Variants in TAFA5 observed in about 807,000 individuals in gnomAD.
TAFA5 encodes the protein chemokine-like protein TAFA-5.
Under a neutral mutation model 15.3 loss-of-function variants are expected in TAFA5, and 6 were observed. That is an observed-to-expected ratio of 0.39 (90% confidence interval 0.21 to 0.77). The LOEUF is 0.77. Ranked by LOEUF, TAFA5 falls within the 30% of genes least tolerant of loss-of-function variation. TAFA5 has a pLI of 0.41. For synonymous variants in TAFA5, 103 were observed against 80.7 expected (o/e 1.28, Z -1.48); for missense variants, 161 against 193.1 (o/e 0.83, Z 0.98).
At chr22:48,624,482 G>A (rs943980212) in intron 1 of TAFA5, among the ~76,000 whole-genome samples, 3 of 152,170 alleles carry the variant, frequency 2.0e-5, no homozygotes, top group Non-Finnish European at 4.4e-5. Flanking sequence ...GGAGACATGC[G>A]TTTTCTCCCC....
At chr22:48,576,319 G>T in intron 1 of TAFA5, 2 of 1,079,306 alleles carry the variant, frequency 1.9e-6, no homozygotes, top group Non-Finnish European at 2.2e-6. Flanking sequence ...GACACAAATC[G>T]CCTCCCGGAG....
At chr22:48,496,065 A>G (rs868101252) in intron 1 of TAFA5, among the ~76,000 whole-genome samples, 1 of 152,244 alleles carries the variant, frequency 6.6e-6, no homozygotes, top group Non-Finnish European at 1.5e-5. Context: ...CAGTGGATGC[A>G]GGAAGGCATG....
chr22:48,512,008 G>T (rs1471151205), intron 1 of TAFA5, among the ~76,000 whole-genome samples: 2 of 152,208 alleles, frequency 1.3e-5, no homozygotes, highest in African/African-American at 4.8e-5. Context: ...GCACAGAGCT[G>T]CAGGGAGGGC....
At chr22:48,730,112 C>T (rs1238344878) in intron 3 of TAFA5, among the ~76,000 whole-genome samples, 3 of 152,106 alleles carry the variant, frequency 2.0e-5, no homozygotes, top group African/African-American at 4.8e-5. Flanking sequence ...AGGCTGGGCA[C>T]GGTGGCTTAC....
rs35316568 is a variant in TAFA5 at position 48,646,664 on chromosome 22, G to C, written c.180G>C (p.Thr60=). Residue 60 remains threonine, a synonymous_variant, in exon 2 of 4, where the codon ACG becomes ACC. Coordinates refer to ENST00000402357, the MANE Select transcript of TAFA5 (RefSeq NM_001082967.3). ...GGGACAGCAGCCAGCCTCGGAGGAC[G>C]ATCGCCCGGCAGACCGCCCGCTGTG... ...LDRDSSQPRR[T]IARQTARCAC... The C allele has an allele frequency of 6.2e-7, 1 of 1,611,914 alleles. No homozygotes were observed. The highest frequency in any genetic ancestry group is 1.3e-5 in the African/African-American group (1 of 74,918).
At chr22:48,701,059 G>T (rs114277193) in intron 2 of TAFA5, among the ~76,000 whole-genome samples, 1 of 152,102 alleles carries the variant, frequency 6.6e-6, no homozygotes, top group Non-Finnish European at 1.5e-5. Context: ...GGAGAGGCCC[G>T]CAGCCCTTCA....
intron 2 of TAFA5, among the ~76,000 whole-genome samples, chr22:48,680,894 G>A (rs11913605): frequency 0.023 from 3,566 of 152,286 alleles, 144 homozygotes; most frequent in African/African-American, 0.082. Context: ...TAGGGCGCCC[G>A]GGTGGCAAGA....
rs539348631 is a variant in TAFA5, at chr22:48,648,733, G to A, written c.262+1987G>A. On this transcript the variant is annotated intron_variant, in intron 2 of 3. Coordinates refer to ENST00000402357, the MANE Select transcript of TAFA5 (RefSeq NM_001082967.3). ...TGCACCAGCTACTCGGGAGGCTGAG[G>A]CAGAGAATTGTTTGAACCCGGGAGG... Among the ~76,000 whole-genome samples, 1,424 of 152,292 alleles carry A rather than the reference G, an allele frequency of 9.4e-3. 12 individuals carry two copies. The highest frequency in any genetic ancestry group is 0.016 in the Non-Finnish European group (1,116 of 68,030).
At chr22:48,700,117 A>G (rs1041840608) in intron 2 of TAFA5, among the ~76,000 whole-genome samples, 2 of 152,182 alleles carry the variant, frequency 1.3e-5, no homozygotes, top group African/African-American at 4.8e-5. Flanking sequence ...GTCCCTCCAG[A>G]TCACACTTAA....
chr22:48,611,812 G>C (rs1290219306), intron 1 of TAFA5, among the ~76,000 whole-genome samples: 2 of 152,156 alleles, frequency 1.3e-5, no homozygotes, highest in Non-Finnish European at 2.9e-5. Flanking sequence ...AGCTGTTCCA[G>C]GCCTCCGGAT....
intron 3 of TAFA5, among the ~76,000 whole-genome samples, chr22:48,722,940 G>A (rs932353729): frequency 3.9e-5 from 6 of 152,174 alleles, no homozygotes; most frequent in Admixed American, 2.0e-4. Flanking sequence ...AGAAAGCCAC[G>A]GAGGCTTCTA....
Position 48,598,628 on chromosome 22 carries a change from T to C in TAFA5, c.113-47969T>C, listed in dbSNP as rs1282527654. Among the ~76,000 whole-genome samples, 1 of 152,130 alleles carries C rather than the reference T, an allele frequency of 6.6e-6. No homozygotes were observed. The highest frequency in any genetic ancestry group is 1.5e-5 in the Non-Finnish European group (1 of 68,026). On this transcript the variant is annotated intron_variant, in intron 1 of 3. Coordinates refer to ENST00000402357, the MANE Select transcript of TAFA5 (RefSeq NM_001082967.3). This position sits in a 1 kb window ranked among gnomAD's most constrained non-coding sequence, Gnocchi z 4.0. ...ACTCACACTTCTGACACCAAATGTG[T>C]CAGTTTTTCACACCAACAAGTTCTC...
At chr22:48,558,997 G>T (rs557193662) in intron 1 of TAFA5, among the ~76,000 whole-genome samples, 1 of 152,240 alleles carries the variant, frequency 6.6e-6, no homozygotes, top group South Asian at 2.1e-4. Context: ...GGCATTTGGA[G>T]GTGACAAGGT....
chr22:48,490,777 A>C lies in TAFA5; in HGVS notation c.112+1073A>C, dbSNP rs1928122883. Among the ~76,000 whole-genome samples, 1 of 121,622 alleles carries C rather than the reference A, an allele frequency of 8.2e-6. No homozygotes were observed. The highest frequency in any genetic ancestry group is 3.7e-5 in the African/African-American group (1 of 27,014). 79.8% of individuals were successfully genotyped at this position (121,622 alleles called of 152,430 possible). On this transcript the variant is annotated intron_variant, in intron 1 of 3. Transcript: ENST00000402357. The surrounding 1 kb of genome is among the most constrained non-coding windows in gnomAD (Gnocchi z 5.8). ...GGTGATGGAAAAATATGGATTCTTT[A>C]CAAAAAAAAAAAAAAAAGGCCAGCA...
chr22:48,489,726 C>A lies in TAFA5; in HGVS notation c.112+22C>A. ...TGCAGTGAGTACCGCGCGGCCCCGG[C>A]CCCGGCACGGCCCTCTGGGCCCCGG... On this transcript the variant is annotated intron_variant, in intron 1 of 3. Coordinates refer to ENST00000402357, the MANE Select transcript of TAFA5 (RefSeq NM_001082967.3). The surrounding 1 kb of genome is among the most constrained non-coding windows in gnomAD (Gnocchi z 5.5). The A allele has an allele frequency of 7.2e-7, 1 of 1,393,806 alleles. No homozygotes were observed. Among genetic ancestry groups the A allele is most frequent in the African/African-American group, 1.5e-5 (1 of 66,908 alleles). The allele number at this position is 1,393,806 out of a possible 1,614,324, so 86.3% of individuals were successfully genotyped here.
intron 2 of TAFA5, among the ~76,000 whole-genome samples, chr22:48,681,651 CAA>C (rs11327855): frequency 0.038 from 4,645 of 120,696 alleles, 179 homozygotes; most frequent in South Asian, 0.12. Context: ...ACTCCATCTC[CAA>C]AAAAAAAAAA....
intron 1 of TAFA5, among the ~76,000 whole-genome samples, chr22:48,624,426 C>T (rs1050767739): frequency 1.3e-5 from 2 of 152,168 alleles, no homozygotes; most frequent in Non-Finnish European, 2.9e-5. Context: ...GAGGGACAGG[C>T]CGCCTCCATG....
At chr22:48,529,077 C>T (rs899155225) in intron 1 of TAFA5, among the ~76,000 whole-genome samples, 9 of 152,198 alleles carry the variant, frequency 5.9e-5, no homozygotes, top group Admixed American at 3.9e-4. Context: ...GCAGTGACTG[C>T]TTAAACCACC....
rs545558492 is a variant in TAFA5 at position 48,542,051 on chromosome 22, C to A, written c.112+52347C>A. On this transcript the variant is annotated intron_variant, in intron 1 of 3. Transcript: ENST00000402357. ...GGTGTTCAGATTGGAGGGGCCGGGG[C>A]GTGTGTGTGTGGTGTGTGTGTGCGT... 1.1e-3 allele frequency among the ~76,000 whole-genome samples: 172 copies of A among 150,782 alleles called. 1 individual carries two copies. The highest frequency in any genetic ancestry group is 4.1e-3 in the African/African-American group (167 of 40,932).
Sources: allele counts gnomAD v4.1 joint callset (sites outside exome capture counted in the v4.1 genomes callset), GRCh38; gene constraint gnomAD v4.1.1; non-coding constraint Gnocchi (gnomAD v3.1); transcripts MANE v1.5; gene names NCBI Gene and HGNC (gene_info 2026-07-23, HGNC 2026-07-21).